The following DDR2 variants were observed in gnomAD, a reference collection of about 807,000 sequenced individuals.
The protein encoded by DDR2 is discoidin domain receptor tyrosine kinase 2.
DDR2 carries 27 observed loss-of-function variants against 94.9 expected under a neutral mutation model. That is an observed-to-expected ratio of 0.28 (90% CI 0.21 to 0.39). DDR2 has a LOEUF of 0.39. Among genes scored for constraint, DDR2 ranks in the 10% least tolerant of loss-of-function variants. DDR2 has a pLI of 1.00. For missense variants in DDR2, 783 were observed against 1,076.0 expected (o/e 0.73, Z 3.81); for synonymous variants, 382 against 377.2 (o/e 1.01, Z -0.15).
At chr1:162,643,279 G>A (rs1657236428) in intron 1 of DDR2, among the ~76,000 whole-genome samples, 1 of 151,982 alleles carries the variant, frequency 6.6e-6, no homozygotes, top group Admixed American at 6.6e-5. Context: ...AGGTTTCCAG[G>A]TGCTTCTGAT....
intron 1 of DDR2, among the ~76,000 whole-genome samples, chr1:162,645,304 G>A (rs1254687133): frequency 6.6e-6 from 1 of 152,038 alleles, no homozygotes; most frequent in East Asian, 1.9e-4. Context: ...AGCTTTTTGG[G>A]TGATCTATTA....
Position 162,753,285 on chromosome 1 carries a change from G to T in DDR2, c.185+88G>T, listed in dbSNP as rs1367097993. 2.4e-6 allele frequency: 3 copies of T among 1,232,932 alleles called. No homozygotes were observed. In the Admixed American group the frequency reaches 5.5e-5, roughly 23 times the overall value. 76.4% of individuals were successfully genotyped at this position (1,232,932 alleles called of 1,614,324 possible). On this transcript the variant is annotated intron_variant, in intron 4 of 17. Coordinates refer to ENST00000367921, the MANE Select transcript of DDR2 (RefSeq NM_006182.4). ...TTCCTGACCCTAGGGGCTGGGGAAG[G>T]TGGTGTTATTGGCAGGAACTGTTGA...
intron 2 of DDR2, among the ~76,000 whole-genome samples, chr1:162,675,380 C>T (rs769316954): frequency 5.9e-5 from 9 of 152,148 alleles, no homozygotes; most frequent in Non-Finnish European, 1.2e-4. Flanking sequence ...AGGACATGTG[C>T]TCAATTCTGT....
At chr1:162,726,278 C>G (rs1169395873) in intron 3 of DDR2, among the ~76,000 whole-genome samples, 1 of 152,134 alleles carries the variant, frequency 6.6e-6, no homozygotes, top group East Asian at 1.9e-4. Flanking sequence ...TTAGTTTAAT[C>G]ATTTCATTAA....
intron 7 of DDR2, 125 bp from the exon 8 acceptor site, chr1:162,759,671 T>G (rs769544548): frequency 1.5e-5 from 16 of 1,095,708 alleles, no homozygotes; most frequent in Admixed American, 2.0e-5. Flanking sequence ...TTACAATCCT[T>G]CAATTCCAAG....
intron 1 of DDR2, among the ~76,000 whole-genome samples, chr1:162,640,318 G>A (rs1192986755): frequency 1.3e-5 from 2 of 152,148 alleles, no homozygotes; most frequent in African/African-American, 4.8e-5. Flanking sequence ...GGGATTGCAA[G>A]TGTGAGCCAC....
intron 1 of DDR2, among the ~76,000 whole-genome samples, chr1:162,645,594 G>C (rs1042552323): frequency 6.6e-6 from 1 of 152,190 alleles, no homozygotes; most frequent in Non-Finnish European, 1.5e-5. Context: ...TGTATCCTCA[G>C]GGTCTGGTCT....
rs115742312 is a variant in DDR2, at chr1:162,659,129, G to T, written c.-28+3755G>T. On this transcript the variant is annotated intron_variant, in intron 2 of 17. Transcript: ENST00000367921. ...AGGGACTCTGGAAGTATTTTGAAGG[G>T]ATACAAATATAAATAAGAGATAACT... Among the ~76,000 whole-genome samples, 1,017 of 152,226 alleles carry T rather than the reference G, an allele frequency of 6.7e-3. 9 individuals are homozygous for T. Among genetic ancestry groups the T allele is most frequent in the African/African-American group, 0.023 (973 of 41,536 alleles).
At chr1:162,737,443 A>G (rs1662364720) in intron 3 of DDR2, among the ~76,000 whole-genome samples, 1 of 135,638 alleles carries the variant, frequency 7.4e-6, no homozygotes, top group African/African-American at 2.7e-5. Flanking sequence ...TTTACTGAGA[A>G]TGATGTTTTC....
intron 2 of DDR2, among the ~76,000 whole-genome samples, chr1:162,684,046 C>G (rs1362063597): frequency 6.6e-6 from 1 of 152,082 alleles, no homozygotes; most frequent in Non-Finnish European, 1.5e-5. Context: ...AGACATAGAT[C>G]AAAGGAATGC....
At chr1:162,695,585 C>A (rs1660151851) in intron 2 of DDR2, among the ~76,000 whole-genome samples, 1 of 152,132 alleles carries the variant, frequency 6.6e-6, no homozygotes, top group African/African-American at 2.4e-5. Context: ...AGGAGTGATG[C>A]TATTGATCCC....
chr1:162,747,942 G>A (rs1662966368), intron 3 of DDR2, among the ~76,000 whole-genome samples: 3 of 152,214 alleles, frequency 2.0e-5, no homozygotes, highest in African/African-American at 7.2e-5. Flanking sequence ...TTACAGACAA[G>A]CAAATGCTGA....
intron 2 of DDR2, among the ~76,000 whole-genome samples, chr1:162,689,258 G>A (rs1007216722): frequency 6.6e-6 from 1 of 152,200 alleles, no homozygotes; most frequent in African/African-American, 2.4e-5. Context: ...ATTGTGTGAG[G>A]TGATGGTTAA....
intron 3 of DDR2, among the ~76,000 whole-genome samples, chr1:162,729,985 C>T (rs1483968953): frequency 6.6e-6 from 1 of 150,658 alleles, no homozygotes; most frequent in Non-Finnish European, 1.5e-5. Flanking sequence ...TCAGGTGATC[C>T]ACCCACCTTG....
intron 3 of DDR2, among the ~76,000 whole-genome samples, chr1:162,746,775 A>G (rs2102104763): frequency 6.6e-6 from 1 of 152,350 alleles, no homozygotes; most frequent in South Asian, 2.1e-4. Flanking sequence ...TGAAGCTTCC[A>G]GAGGAAGGAT....
chr1:162,673,999 C>A (rs1659010962), intron 2 of DDR2, among the ~76,000 whole-genome samples: 1 of 152,136 alleles, frequency 6.6e-6, no homozygotes, highest in South Asian at 2.1e-4. Flanking sequence ...ATGCTTTTGT[C>A]CCTCCAATTT....
At chr1:162,752,972 GA>G in intron 3 of DDR2, 122 bp from the exon 4 acceptor site, 3 of 828,536 alleles carry the variant, frequency 3.6e-6, no homozygotes, top group Non-Finnish European at 3.9e-6. Context: ...GGCCATAGAG[GA>G]ATTTAGGAAG....
At chr1:162,638,364 G>C (rs2101884369) in intron 1 of DDR2, among the ~76,000 whole-genome samples, 2 of 152,244 alleles carry the variant, frequency 1.3e-5, no homozygotes, top group Admixed American at 1.3e-4. Flanking sequence ...TGTTGCCATG[G>C]TCTTCATTAT....
intron 9 of DDR2, among the ~76,000 whole-genome samples, chr1:162,763,476 G>C (rs1199646101): frequency 2.7e-5 from 4 of 150,006 alleles, no homozygotes; most frequent in Admixed American, 6.7e-5. Flanking sequence ...TGGGATTACA[G>C]ATGTGAGCCA....
Sources: gnomAD v4.1 joint callset for allele counts (sites outside exome capture counted in the v4.1 genomes callset) on GRCh38, gnomAD v4.1.1 for gene constraint, MANE v1.5 for transcripts, NCBI Gene and HGNC (gene_info 2026-07-23, HGNC 2026-07-21) for gene names.